The following DNAJC13 variants were observed in gnomAD, a reference collection of about 807,000 sequenced individuals.
DNAJC13 encodes DnaJ heat shock protein family (Hsp40) member C13.
DNAJC13 carries 75 observed loss-of-function variants against 290.5 expected under a neutral mutation model. The ratio of observed to expected loss-of-function variants is 0.26; its 90% CI spans 0.21 to 0.31. The LOEUF is 0.31. DNAJC13 is among the 10% of genes least tolerant of loss of function. The probability of loss-of-function intolerance (pLI) is 1.00; values close to 1 mark genes in which losing one functional copy is unlikely to be tolerated. For synonymous variants in DNAJC13, 862 were observed against 892.0 expected, an observed-to-expected ratio of 0.97 and a Z score of 0.60; for missense variants, 2,260 against 2,674.5, an observed-to-expected ratio of 0.85 and a Z score of 3.42.
chr3:132,494,688 G>A (rs766661157), intron 34 of DNAJC13, among the ~76,000 whole-genome samples: 1 of 152,128 alleles, frequency 6.6e-6, no homozygotes, highest in Non-Finnish European at 1.5e-5. Flanking sequence ...AGTAGACTAT[G>A]TTATGGAAAA....
Position 132,538,892 on chromosome 3 carries a change from A to AAAAG in DNAJC13, c.*612_*615dup, listed in dbSNP as rs1936680977. ...AAAAATGGATGTCAAGATGTTATGT[A>AAAAG]AAAGATGAGTGTAATTGTGAAATGT... On this transcript the variant is annotated 3_prime_UTR_variant, in exon 56 of 56. Transcript: ENST00000260818. The AAAAG allele has an allele frequency of 6.6e-6, 1 of 152,668 alleles. No individual in the cohort carries two copies. Among genetic ancestry groups the AAAAG allele is most frequent in the African/African-American group, 2.4e-5 (1 of 41,458 alleles). 9.5% of individuals were successfully genotyped at this position (152,668 alleles called of 1,614,324 possible).
intron 53 of DNAJC13, 27 bp downstream of exon 53, chr3:132,526,308 A>C (rs1286275545): frequency 1.9e-6 from 3 of 1,611,832 alleles, no homozygotes; most frequent in Admixed American, 1.7e-5. Flanking sequence ...ATTTAGCACT[A>C]TTTTAGGAAA....
chr3:132,523,310 G>T, intron 50 of DNAJC13, 111 bp downstream of exon 50: 1 of 1,324,908 alleles, frequency 7.5e-7, no homozygotes, highest in South Asian at 1.3e-5. Context: ...AAGACTCTTG[G>T]GTATTCCCCT....
Position 132,434,602 on chromosome 3 carries a change from C to T in DNAJC13, c.52C>T (p.His18Tyr), listed in dbSNP as rs764310391. Reference protein sequence around the residue: ...KDLACFYTTKHSWRGKYKRVF... With the variant: ...KDLACFYTTKYSWRGKYKRVF... ...TCTGGCATGTTTCTACACAACAAAA[C>T]ATTCATGGAGGGGGAAGTAAGTATT... Residue 18 changes from histidine (H) to tyrosine (Y), a missense_variant, in exon 2 of 56, where the codon CAT (histidine) becomes TAT (tyrosine). Physicochemically the swap from His to Tyr is moderately conservative, Grantham distance 83 (BLOSUM62 2). Coordinates refer to ENST00000260818, the MANE Select transcript of DNAJC13 (RefSeq NM_015268.4). 2 of 1,608,138 alleles carry T rather than the reference C, an allele frequency of 1.2e-6. No homozygotes were observed. Among genetic ancestry groups the T allele is most frequent in the Non-Finnish European group, 1.7e-6 (2 of 1,177,904 alleles).
chr3:132,473,300 C>T (rs1200379662), intron 21 of DNAJC13, 73 bp downstream of exon 21: 13 of 1,028,624 alleles, frequency 1.3e-5, no homozygotes. Flanking sequence ...ACACGTTCTT[C>T]TTCCCTGAAA....
At chr3:132,467,682 G>A (rs932720462) in intron 20 of DNAJC13, among the ~76,000 whole-genome samples, 2 of 152,004 alleles carry the variant, frequency 1.3e-5, no homozygotes, top group African/African-American at 4.8e-5. Flanking sequence ...AGCCAGGATG[G>A]TCTCAATCTC....
intron 22 of DNAJC13, among the ~76,000 whole-genome samples, chr3:132,476,200 A>G (rs1293221398): frequency 6.6e-6 from 1 of 152,154 alleles, no homozygotes; most frequent in Non-Finnish European, 1.5e-5. Flanking sequence ...TTCGACTTTT[A>G]GCCCTAGACT....
Position 132,530,981 on chromosome 3 carries a change from T to C in DNAJC13, c.6526-17T>C. 6.2e-7 allele frequency: 1 copy of C among 1,606,658 alleles called. No homozygotes were observed. Among genetic ancestry groups the C allele is most frequent in the Non-Finnish European group, 8.5e-7 (1 of 1,173,466 alleles). ...GTCCTTGATTTTATGTTCAAAGGGC[T>C]TGTTTTACTTTCCTAGGTGAATGAA... is the stretch of plus-strand genomic sequence containing the variant. On this transcript the variant is annotated splice_polypyrimidine_tract_variant and intron_variant, in intron 54 of 55. Transcript: ENST00000260818.
Position 132,461,113 on chromosome 3 carries a change from G to T in DNAJC13, c.1621G>T (p.Ala541Ser). 6.2e-7 allele frequency: 1 copy of T among 1,614,014 alleles called. No homozygotes were observed. The change falls in exon 15 of 56, where the codon GCT (alanine) becomes TCT (serine). Residue 541 changes from alanine to serine, a missense_variant. Physicochemically the swap from Ala to Ser is moderately conservative, Grantham distance 99 (BLOSUM62 1). This residue lies in a region of DNAJC13 where 762 missense variants were observed against 964.1 expected (regional missense o/e 0.79). Coordinates refer to ENST00000260818, the MANE Select transcript of DNAJC13 (RefSeq NM_015268.4). ...GGACTTCCTTACCTTTGCCCTCTGT[G>T]CTCCATATAGTGAGACAACTGAAGG... ...LLDFLTFALC[A>S]PYSETTEGQQ...
chr3:132,422,117 A>G (rs1299270309), intron 1 of DNAJC13, among the ~76,000 whole-genome samples: 1 of 151,384 alleles, frequency 6.6e-6, no homozygotes, highest in African/African-American at 2.4e-5. Context: ...TGTAGCCCTG[A>G]TCTCCTGGGC....
At chr3:132,509,979 G>A (rs924396251) in intron 43 of DNAJC13, among the ~76,000 whole-genome samples, 3 of 152,182 alleles carry the variant, frequency 2.0e-5, no homozygotes, top group Non-Finnish European at 4.4e-5. Flanking sequence ...CCAAATGCTT[G>A]TGATGGGGTG....
At position 132,493,386 on chromosome 3, in the gene DNAJC13, A is replaced by T. The variant is rs1935126341; in HGVS notation, c.3826-758A>T. Among the ~76,000 whole-genome samples, 3 of 152,174 alleles carry T rather than the reference A, an allele frequency of 2.0e-5. No homozygotes were observed. The South Asian group carries it at 6.2e-4, about 32-fold the overall frequency. On this transcript the variant is annotated intron_variant, in intron 33 of 55. Transcript: ENST00000260818. ...TCTTTACAATGCAGTGACCAAAAAA[A>T]GGCAGGTAGACTCTGGTACTTATTC...
At chr3:132,424,968 C>T (rs1939052615) in intron 1 of DNAJC13, among the ~76,000 whole-genome samples, 1 of 152,100 alleles carries the variant, frequency 6.6e-6, no homozygotes. Context: ...TTCCCCCATA[C>T]ACAGCACATT....
intron 54 of DNAJC13, among the ~76,000 whole-genome samples, chr3:132,529,562 T>C (rs1005439090): frequency 6.6e-6 from 1 of 151,830 alleles, no homozygotes; most frequent in Non-Finnish European, 1.5e-5. Context: ...CCGAGGCGGG[T>C]GGATCACGAG....
chr3:132,487,835 A>G (rs1026875747), intron 29 of DNAJC13, among the ~76,000 whole-genome samples: 1 of 151,936 alleles, frequency 6.6e-6, no homozygotes, highest in Admixed American at 6.6e-5. Flanking sequence ...GTACTACCTG[A>G]TACTTGTTTA....
chr3:132,530,032 ACTT>A (rs144411928), intron 54 of DNAJC13, among the ~76,000 whole-genome samples: 1,878 of 152,088 alleles, frequency 0.012, 35 homozygotes, highest in African/African-American at 0.042. Flanking sequence ...CCTGACACCC[ACTT>A]CCTACACCCA....
chr3:132,503,480 A>G, intron 41 of DNAJC13, 99 bp downstream of exon 41: 1 of 1,355,966 alleles, frequency 7.4e-7, no homozygotes, highest in Non-Finnish European at 1.0e-6. Flanking sequence ...CCTAAAAATT[A>G]AGAACGTTCA....
At chr3:132,497,007 T>C (rs553422199) in intron 36 of DNAJC13, among the ~76,000 whole-genome samples, 156 of 152,340 alleles carry the variant, frequency 1.0e-3, no homozygotes, top group Non-Finnish European at 1.2e-3. Context: ...TTTCATGTTT[T>C]CTTAAATGGC....
intron 33 of DNAJC13, 33 bp downstream of exon 33, chr3:132,492,648 G>A (rs1935099647): frequency 6.3e-7 from 1 of 1,599,044 alleles, no homozygotes. Flanking sequence ...GCCACCTTAA[G>A]CCATAAAAAT....
Sources: allele counts gnomAD v4.1 joint callset (sites outside exome capture counted in the v4.1 genomes callset), GRCh38; gene constraint gnomAD v4.1.1; regional missense constraint gnomAD v4.1.1; transcripts MANE v1.5; gene names NCBI Gene and HGNC (gene_info 2026-07-23, HGNC 2026-07-21).